Variants in ADGRE5 observed in about 807,000 individuals in gnomAD.
ADGRE5 encodes CD97 molecule.
In ADGRE5, 72 loss-of-function variants were observed where a neutral mutation model predicts 100.3. That is an observed-to-expected ratio of 0.72 (90% CI 0.59 to 0.87). The LOEUF (loss-of-function observed/expected upper bound fraction) is 0.87. ADGRE5 is among the 40% of genes least tolerant of loss of function. ADGRE5 has a pLI of 0.00. For synonymous variants in ADGRE5, 439 were observed against 447.8 expected (o/e 0.98, Z 0.25); for missense variants, 959 against 1,094.7 (o/e 0.88, Z 1.75).
In ADGRE5 at chr19:14,398,263, C is replaced by A. The variant is rs142264590; in HGVS notation, c.897+124C>A. On this transcript the variant is annotated intron_variant, in intron 9 of 19. Transcript: ENST00000242786. ...TAGTCAGAGACACACATGCGCATAA[C>A]ATACACACACCACATACAGTATGTG... 406 of 785,284 alleles carry A rather than the reference C, an allele frequency of 5.2e-4. 3 individuals are homozygous for A. In the African/African-American group the frequency reaches 6.0e-3, roughly 12 times the overall value. 48.6% of individuals were successfully genotyped at this position (785,284 alleles called of 1,614,324 possible).
chr19:14,398,883 C>G (rs985500051), intron 9 of ADGRE5, among the ~76,000 whole-genome samples: 2 of 151,086 alleles, frequency 1.3e-5, no homozygotes, highest in Non-Finnish European at 2.9e-5. Flanking sequence ...GCTCTGTTGC[C>G]CATTCTGGAG....
intron 1 of ADGRE5, chr19:14,386,467 G>T (rs951895694): frequency 1.3e-5 from 2 of 151,594 alleles, no homozygotes; most frequent in Non-Finnish European, 2.9e-5. Flanking sequence ...GAGGCGGGCG[G>T]ATCATGAGGT....
At chr19:14,394,684 T>C (rs1296059395) in intron 4 of ADGRE5, among the ~76,000 whole-genome samples, 1 of 152,108 alleles carries the variant, frequency 6.6e-6, no homozygotes, top group African/African-American at 2.4e-5. Flanking sequence ...AGGATGAGAC[T>C]TGCTGCCACC....
At chr19:14,397,318 G>A (rs1421041563) in intron 6 of ADGRE5, 95 bp downstream of exon 6, 3 of 1,581,148 alleles carry the variant, frequency 1.9e-6, no homozygotes, top group Admixed American at 3.5e-5. Context: ...GAGCGCTGGA[G>A]GCACCTGGCT....
At chr19:14,384,233 A>G (rs983300139) in intron 1 of ADGRE5, among the ~76,000 whole-genome samples, 1 of 150,878 alleles carries the variant, frequency 6.6e-6, no homozygotes, top group Non-Finnish European at 1.5e-5. Context: ...CCCAGCTGGA[A>G]GGAGTGTGGA....
intron 18 of ADGRE5, among the ~76,000 whole-genome samples, 177 bp from the exon 19 acceptor site, chr19:14,407,731 G>A: frequency 6.6e-6 from 1 of 151,836 alleles, no homozygotes; most frequent in Admixed American, 6.6e-5. Context: ...GGAGTTCAAG[G>A]TTGCAGTAAG....
chr19:14,384,604 CAT>C (rs942226354), intron 1 of ADGRE5, among the ~76,000 whole-genome samples: 6 of 150,808 alleles, frequency 4.0e-5, no homozygotes, highest in African/African-American at 1.2e-4. Flanking sequence ...ACCTGCCGCT[CAT>C]ATCCCAACGC....
intron 1 of ADGRE5, among the ~76,000 whole-genome samples, chr19:14,382,884 T>G (rs1975211162): frequency 6.6e-6 from 1 of 151,646 alleles, no homozygotes. Context: ...GCCCGGCTAG[T>G]TTTTTGTTTT....
chr19:14,406,506 T>C lies in ADGRE5; in HGVS notation c.1997T>C (p.Ile666Thr). ...CLIGYGVPLL[I>T]VGVSAAIYSK... is the part of the protein sequence containing the mutation. ...ATCGGCTATGGCGTGCCCCTGCTCATCGTGGGCGTCTCGGCTGCCATCTAC... is the reference window on the plus strand; with the variant it reads ...ATCGGCTATGGCGTGCCCCTGCTCACCGTGGGCGTCTCGGCTGCCATCTAC... Residue 666 changes from isoleucine (I) to threonine (T), a missense_variant, in exon 15 of 20, where the codon ATC (isoleucine) becomes ACC (threonine). Ile to Thr is a moderately conservative substitution (Grantham distance 89). This residue lies in a region of ADGRE5 where 428 missense variants were observed against 386.2 expected (regional missense o/e 1.11). Coordinates refer to ENST00000242786, the MANE Select transcript of ADGRE5 (RefSeq NM_078481.4). The surrounding 1 kb of genome is among the most constrained non-coding windows in gnomAD (Gnocchi z 6.0). 7 of 1,566,566 alleles carry C rather than the reference T, an allele frequency of 4.5e-6. No individual in the cohort carries two copies. Among genetic ancestry groups the C allele is most frequent in the Non-Finnish European group, 6.1e-6 (7 of 1,155,872 alleles).
At chr19:14,383,283 T>C (rs1975226030) in intron 1 of ADGRE5, among the ~76,000 whole-genome samples, 1 of 151,718 alleles carries the variant, frequency 6.6e-6, no homozygotes, top group African/African-American at 2.4e-5. Context: ...GGCCAGCAGA[T>C]CACCAGAGGT....
At chr19:14,400,652 C>T (rs1308679059) in intron 9 of ADGRE5, among the ~76,000 whole-genome samples, 1 of 151,854 alleles carries the variant, frequency 6.6e-6, no homozygotes, top group East Asian at 1.9e-4. Context: ...ATTAGCCGGG[C>T]ATGGTGGCGG....
chr19:14,390,645 C>T (rs1975568850), intron 3 of ADGRE5, among the ~76,000 whole-genome samples: 1 of 152,108 alleles, frequency 6.6e-6, no homozygotes, highest in African/African-American at 2.4e-5. Context: ...TAAATTTCTA[C>T]AAAGAGACTG....
In ADGRE5 at chr19:14,391,020, G is replaced by A; in HGVS notation, c.287G>A (p.Gly96Glu). The change falls in exon 4 of 20, where the codon GGA (glycine) becomes GAA (glutamate). Residue 96 changes from glycine to glutamate, a missense_variant. Transcript: ENST00000242786. ...EGSYDCVCSPGYEPVSGAKTF... is the reference protein window; with the variant it reads ...EGSYDCVCSPEYEPVSGAKTF... ...AGCTACGACTGCGTGTGCAGCCCGG[G>A]ATATGAGCCTGTTTCTGGGGCAAAA... 1 of 1,614,210 alleles carries A rather than the reference G, an allele frequency of 6.2e-7. No homozygotes were observed. The highest frequency in any genetic ancestry group is 8.5e-7 in the Non-Finnish European group (1 of 1,180,034).
rs183595680 is a variant in ADGRE5, at chr19:14,388,683, G to C, written c.74-19G>C. The C allele has an allele frequency of 1.5e-5, 24 of 1,611,870 alleles. No individual in the cohort carries two copies. Among genetic ancestry groups the C allele is most frequent in the Non-Finnish European group, 2.0e-5 (24 of 1,178,732 alleles). ...TTCCCTTACCCCTCACCTTCTGACCGTGCTCCCTGCTCTTGCAGGCTGTGC... is the reference window on the plus strand; with the variant it reads ...TTCCCTTACCCCTCACCTTCTGACCCTGCTCCCTGCTCTTGCAGGCTGTGC... On this transcript the variant is annotated intron_variant, in intron 2 of 19. Coordinates refer to ENST00000242786, the MANE Select transcript of ADGRE5 (RefSeq NM_078481.4).
At chr19:14,382,781 C>T (rs1045423624) in intron 1 of ADGRE5, among the ~76,000 whole-genome samples, 6 of 151,550 alleles carry the variant, frequency 4.0e-5, no homozygotes, top group Non-Finnish European at 8.8e-5. Context: ...GCAATCTCGG[C>T]TCACTGCAAC....
At position 14,405,954 on chromosome 19, in the gene ADGRE5, C is replaced by G. The variant is rs766793523; in HGVS notation, c.1821+15C>G. ...AAGGCGGCCAGGTGAGGTCCCGCCCCGCTCCCTCCTGAGCTCTGGGGTCAG... is the reference window on the plus strand; with the variant it reads ...AAGGCGGCCAGGTGAGGTCCCGCCCGGCTCCCTCCTGAGCTCTGGGGTCAG... On this transcript the variant is annotated intron_variant, in intron 14 of 19. Coordinates refer to ENST00000242786, the MANE Select transcript of ADGRE5 (RefSeq NM_078481.4). 21 of 1,598,752 alleles carry G rather than the reference C, an allele frequency of 1.3e-5. No homozygotes were observed. The highest frequency in any genetic ancestry group is 1.7e-5 in the Admixed American group (1 of 59,698).
chr19:14,407,079 C>T lies in ADGRE5; in HGVS notation c.2226C>T (p.Ala742=). The T allele has an allele frequency of 6.2e-7, 1 of 1,614,158 alleles. No homozygotes were observed. The highest frequency in any genetic ancestry group is 8.5e-7 in the Non-Finnish European group (1 of 1,180,034). ...LKKARALTIT[A]IAQLFLLGCT... Reference sequence around the variant, plus strand: ...CTCGCAGGGCGCTGACCATCACGGCCATCGCGCAGCTCTTCCTGTTGGGCT... The same window carrying T: ...CTCGCAGGGCGCTGACCATCACGGCTATCGCGCAGCTCTTCCTGTTGGGCT... The change falls in exon 18 of 20, where the codon GCC becomes GCT. Residue 742 remains alanine, a synonymous_variant. Transcript: ENST00000242786.
At position 14,397,228 on chromosome 19, in the gene ADGRE5, A is replaced by G. The variant is rs1421216908; in HGVS notation, c.625+5A>G. 1.2e-6 allele frequency: 2 copies of G among 1,614,078 alleles called. No homozygotes were observed. The highest frequency in any genetic ancestry group is 3.3e-5 in the Admixed American group (2 of 60,006). ...CAAACAATACCGTCTGTGAAGGTCG[A>G]GAGCTCAGATCCCACGTTTCTAGCG... On this transcript the variant is annotated splice_donor_5th_base_variant and intron_variant, in intron 6 of 19. Coordinates refer to ENST00000242786, the MANE Select transcript of ADGRE5 (RefSeq NM_078481.4).
chr19:14,387,041 A>G (rs186602562), intron 1 of ADGRE5, among the ~76,000 whole-genome samples: 1 of 152,046 alleles, frequency 6.6e-6, no homozygotes. Flanking sequence ...AAATAAATAA[A>G]TAAAAGAAGA....
Sources: gnomAD v4.1 joint callset for allele counts (sites outside exome capture counted in the v4.1 genomes callset) on GRCh38, gnomAD v4.1.1 for gene constraint, gnomAD v4.1.1 regional missense constraint, Gnocchi (gnomAD v3.1) non-coding constraint, MANE v1.5 for transcripts, NCBI Gene and HGNC (gene_info 2026-07-23, HGNC 2026-07-21) for gene names.